Variants in SYT14 observed in about 807,000 individuals in gnomAD.
SYT14 encodes the protein synaptotagmin-14.
Under a neutral mutation model 74.2 loss-of-function variants are expected in SYT14, and 32 were observed. The ratio of observed to expected loss-of-function variants is 0.43; its 90% confidence interval spans 0.33 to 0.58. SYT14 has a LOEUF of 0.58. Among genes scored for constraint, SYT14 ranks in the 20% least tolerant of loss-of-function variants. SYT14 has a pLI of 0.05. For synonymous variants in SYT14, 298 were observed against 337.7 expected, an observed-to-expected ratio of 0.88 and a Z score of 1.29; for missense variants, 791 against 981.8, an observed-to-expected ratio of 0.81 and a Z score of 2.60.
At chr1:209,968,232 A>C (rs954089345) in intron 2 of SYT14, among the ~76,000 whole-genome samples, 1 of 152,158 alleles carries the variant, frequency 6.6e-6, no homozygotes, top group Non-Finnish European at 1.5e-5. Flanking sequence ...AGTGCTATGC[A>C]TAGTCCTATA....
intron 5 of SYT14, among the ~76,000 whole-genome samples, chr1:210,081,340 A>G (rs555087553): frequency 3.3e-5 from 5 of 152,212 alleles, no homozygotes; most frequent in Admixed American, 6.5e-5. Flanking sequence ...ATAGTTAAGG[A>G]TGTTCAGGCA....
intron 7 of SYT14, among the ~76,000 whole-genome samples, chr1:210,129,646 A>G (rs2082635273): frequency 1.3e-5 from 2 of 152,248 alleles, no homozygotes; most frequent in Admixed American, 6.5e-5. Flanking sequence ...GACATAATAT[A>G]CATGAAATCC....
intron 5 of SYT14, among the ~76,000 whole-genome samples, chr1:210,047,829 A>T (rs1257631560): frequency 6.6e-6 from 1 of 152,232 alleles, no homozygotes; most frequent in African/African-American, 2.4e-5. Flanking sequence ...TCCAAGTTAT[A>T]TGTTATGCAA....
chr1:210,018,248 C>G (rs1445377470), intron 4 of SYT14, among the ~76,000 whole-genome samples: 1 of 152,210 alleles, frequency 6.6e-6, no homozygotes, highest in African/African-American at 2.4e-5. Flanking sequence ...ATTCTCCTGC[C>G]TCAGCCTCCC....
chr1:210,087,271 G>A (rs886699667), intron 5 of SYT14, among the ~76,000 whole-genome samples: 7 of 152,126 alleles, frequency 4.6e-5, no homozygotes, highest in Admixed American at 3.9e-4. Context: ...CTAGTATCCC[G>A]ATAGGCCACC....
rs892011535 is a variant in SYT14, at chr1:209,981,322, A to G, written c.-486+28566A>G. Among the ~76,000 whole-genome samples the G allele has an allele frequency of 5.3e-5, 8 of 151,764 alleles. 1 individual carries two copies. Among genetic ancestry groups the G allele is most frequent in the Admixed American group, 5.2e-4 (8 of 15,246 alleles). On this transcript the variant is annotated intron_variant, in intron 2 of 9. Transcript: ENST00000637265. ...TTGTAAAGCTCATTTGGTGGTAATG[A>G]ATTTTCTTAGTGCTTGCTTGGTTGG...
At chr1:210,042,793 C>G (rs1019797843) in intron 5 of SYT14, among the ~76,000 whole-genome samples, 6 of 152,148 alleles carry the variant, frequency 3.9e-5, no homozygotes, top group African/African-American at 1.4e-4. Context: ...AGCATGATGC[C>G]TCCAGCTTTG....
chr1:209,942,039 A>G (rs111475688), intron 1 of SYT14, among the ~76,000 whole-genome samples: 3,751 of 152,306 alleles, frequency 0.025, 63 homozygotes, highest in Non-Finnish European at 0.033. Flanking sequence ...CAACCACTGT[A>G]GGCCTAACTA....
chr1:209,976,983 C>G (rs1572098064), intron 2 of SYT14, among the ~76,000 whole-genome samples: 1 of 152,072 alleles, frequency 6.6e-6, no homozygotes, highest in East Asian at 1.9e-4. Context: ...CTCTTTTGAT[C>G]TTTGTTGGTT....
At position 210,107,415 on chromosome 1, in the gene SYT14, A is replaced by G. The variant is rs555648184; in HGVS notation, c.2034+6954A>G. Among the ~76,000 whole-genome samples the G allele has an allele frequency of 3.9e-5, 6 of 152,200 alleles. No individual in the cohort carries two copies. The East Asian group carries it at 1.2e-3, about 29-fold the overall frequency. On this transcript the variant is annotated intron_variant, in intron 7 of 9. Transcript: ENST00000637265. ...CTACCCTTGGCCCCTCCCACATCTT[A>G]TGTCCTCACAATTCAAAACAAAACC...
At chr1:210,080,207 TTA>T (rs2081593019) in intron 5 of SYT14, among the ~76,000 whole-genome samples, 1 of 152,218 alleles carries the variant, frequency 6.6e-6, no homozygotes, top group Non-Finnish European at 1.5e-5. Flanking sequence ...GATCAGCCTT[TTA>T]GCAGGAACAC....
chr1:210,129,872 A>T (rs1356669430), intron 7 of SYT14, among the ~76,000 whole-genome samples: 1 of 152,106 alleles, frequency 6.6e-6, no homozygotes, highest in African/African-American at 2.4e-5. Context: ...TCCCACTTAG[A>T]CCTGTTGATT....
chr1:209,946,971 A>G (rs192223323), intron 1 of SYT14, among the ~76,000 whole-genome samples: 13 of 152,328 alleles, frequency 8.5e-5, no homozygotes, highest in East Asian at 3.9e-4. Context: ...GTGCTCTACA[A>G]ATAGAAAACA....
At chr1:209,973,822 C>T (rs1041298318) in intron 2 of SYT14, among the ~76,000 whole-genome samples, 13 of 152,164 alleles carry the variant, frequency 8.5e-5, no homozygotes, top group African/African-American at 3.1e-4. Flanking sequence ...TTTACAGTCC[C>T]ACCAACAGTG....
intron 2 of SYT14, among the ~76,000 whole-genome samples, chr1:209,960,735 G>C (rs1282199446): frequency 6.6e-6 from 1 of 152,114 alleles, no homozygotes; most frequent in Non-Finnish European, 1.5e-5. Flanking sequence ...GAGAGCAAAG[G>C]CTTGTATGAT....
At chr1:210,116,975 G>A (rs1055910957) in intron 7 of SYT14, among the ~76,000 whole-genome samples, 2 of 152,112 alleles carry the variant, frequency 1.3e-5, no homozygotes, top group Non-Finnish European at 2.9e-5. Context: ...CAATAAGCAT[G>A]CATCTCAGGG....
intron 5 of SYT14, among the ~76,000 whole-genome samples, chr1:210,068,546 A>G (rs1298239055): frequency 6.6e-6 from 1 of 151,562 alleles, no homozygotes; most frequent in Non-Finnish European, 1.5e-5. Flanking sequence ...TTTTTTATAG[A>G]TAGATTTTTA....
intron 5 of SYT14, among the ~76,000 whole-genome samples, chr1:210,026,121 T>C (rs2080406326): frequency 1.3e-5 from 2 of 152,100 alleles, no homozygotes; most frequent in Admixed American, 6.6e-5. Context: ...ACAAAAGGGA[T>C]GATATCTGTA....
intron 3 of SYT14, chr1:210,015,550 C>A (rs985429188): frequency 6.5e-6 from 1 of 152,722 alleles, no homozygotes; most frequent in African/African-American, 2.4e-5. Context: ...TTAGATATTT[C>A]TCTTTAATAT....
Sources: gnomAD v4.1 joint callset for allele counts (sites outside exome capture counted in the v4.1 genomes callset) on GRCh38, gnomAD v4.1.1 for gene constraint, MANE v1.5 for transcripts, NCBI Gene and HGNC (gene_info 2026-07-23, HGNC 2026-07-21) for gene names.